Variants in PPP1R16B observed in about 807,000 individuals in gnomAD.
PPP1R16B encodes the protein protein phosphatase 1 regulatory inhibitor subunit 16B.
A neutral mutation model predicts 61.7 loss-of-function variants in PPP1R16B; 14 were observed. That is an observed-to-expected ratio of 0.23 (90% confidence interval 0.15 to 0.35). The LOEUF is 0.35. PPP1R16B is among the 10% of genes least tolerant of loss of function. PPP1R16B has a pLI of 1.00. For missense variants in PPP1R16B, 547 were observed against 752.5 expected, an observed-to-expected ratio of 0.73 and a Z score of 3.19; for synonymous variants, 266 against 305.3, an observed-to-expected ratio of 0.87 and a Z score of 1.34.
In PPP1R16B at chr20:38,820,874, T is replaced by A. The variant is rs374364455; in HGVS notation, c.-101-14951T>A. Among the ~76,000 whole-genome samples, 98 of 150,602 alleles carry A rather than the reference T, an allele frequency of 6.5e-4. 2 individuals carry two copies. The South Asian group carries it at 0.017, about 26-fold the overall frequency. ...AGTGAAACCCTGTCTCTACTAAAAA[T>A]ATATATATATATAAAAATTAGCTAG... is the stretch of plus-strand genomic sequence containing the variant. On this transcript the variant is annotated intron_variant, in intron 1 of 10. Transcript: ENST00000299824.
intron 10 of PPP1R16B, among the ~76,000 whole-genome samples, chr20:38,910,325 T>C (rs78451027): frequency 1.3e-5 from 2 of 152,078 alleles, no homozygotes; most frequent in Admixed American, 1.3e-4. Flanking sequence ...CTTTTACAAA[T>C]GTACACACTC....
chr20:38,810,098 C>T (rs1013359156), intron 1 of PPP1R16B, among the ~76,000 whole-genome samples: 36 of 151,952 alleles, frequency 2.4e-4, no homozygotes, highest in Admixed American at 7.2e-4. Context: ...CTATTATTGC[C>T]AATAACAGGT....
At chr20:38,865,642 A>G (rs1316865899) in intron 2 of PPP1R16B, among the ~76,000 whole-genome samples, 2 of 152,158 alleles carry the variant, frequency 1.3e-5, no homozygotes, top group Non-Finnish European at 2.9e-5. Context: ...CACGTCCTGC[A>G]CAGGTGGGCT....
At chr20:38,809,487 G>A (rs2084684325) in intron 1 of PPP1R16B, among the ~76,000 whole-genome samples, 1 of 152,116 alleles carries the variant, frequency 6.6e-6, no homozygotes, top group African/African-American at 2.4e-5. Flanking sequence ...AGATAATGAG[G>A]ACACTGTGGG....
At chr20:38,906,362 C>T (rs1015451829) in intron 7 of PPP1R16B, among the ~76,000 whole-genome samples, 1 of 130,682 alleles carries the variant, frequency 7.7e-6, no homozygotes, top group Non-Finnish European at 1.6e-5. Context: ...GGTGCAATCT[C>T]ATCTCACTGC....
At chr20:38,852,787 A>T (rs1273793417) in intron 2 of PPP1R16B, among the ~76,000 whole-genome samples, 2 of 62,486 alleles carry the variant, frequency 3.2e-5, no homozygotes, top group Non-Finnish European at 5.9e-5. Context: ...TGGGGGTAGC[A>T]TGGGGGGATA....
At chr20:38,874,971 G>A (rs1444549544) in intron 2 of PPP1R16B, among the ~76,000 whole-genome samples, 1 of 152,162 alleles carries the variant, frequency 6.6e-6, no homozygotes, top group Non-Finnish European at 1.5e-5. Context: ...CTCAGGGCTG[G>A]GCAACAGCAA....
chr20:38,868,136 T>C (rs79607831), intron 2 of PPP1R16B, among the ~76,000 whole-genome samples: 3,019 of 152,320 alleles, frequency 0.02, 115 homozygotes, highest in African/African-American at 0.069. Flanking sequence ...TTCTTGTTAC[T>C]GTGCATCACT....
intron 2 of PPP1R16B, among the ~76,000 whole-genome samples, chr20:38,883,259 G>T (rs925956303): frequency 1.3e-5 from 2 of 152,256 alleles, no homozygotes; most frequent in Non-Finnish European, 2.9e-5. Flanking sequence ...AGGAGGAGCA[G>T]GAGCCACGCC....
At chr20:38,878,982 C>G (rs2145751187) in intron 2 of PPP1R16B, among the ~76,000 whole-genome samples, 1 of 152,224 alleles carries the variant, frequency 6.6e-6, no homozygotes, top group Admixed American at 6.5e-5. Context: ...GGGATAAGAG[C>G]AGATACCTTG....
At chr20:38,861,049 T>G (rs1405813402) in intron 2 of PPP1R16B, among the ~76,000 whole-genome samples, 1 of 152,180 alleles carries the variant, frequency 6.6e-6, no homozygotes, top group African/African-American at 2.4e-5. Flanking sequence ...CAGTCTCTTA[T>G]GCTCCCCTTT....
At position 38,911,357 on chromosome 20, in the gene PPP1R16B, G is replaced by A. The variant is rs896026954; in HGVS notation, c.1194+3164G>A. On this transcript the variant is annotated intron_variant, in intron 10 of 10. Transcript: ENST00000299824. ...AATTTTTTGTATTTTCAGTAGAGAC[G>A]GGGTTTCACCGTGTTAGCCAGGATG... 5.4e-4 allele frequency among the ~76,000 whole-genome samples: 79 copies of A among 146,728 alleles called. 1 individual carries two copies. Among genetic ancestry groups the A allele is most frequent in the African/African-American group, 1.8e-3 (73 of 39,556 alleles).
intron 6 of PPP1R16B, among the ~76,000 whole-genome samples, chr20:38,905,726 C>T (rs6015982): frequency 0.37 from 55,841 of 152,024 alleles, 10,855 homozygotes; most frequent in Middle Eastern, 0.52. Flanking sequence ...TAAATGCTAT[C>T]GCTTTAACCA....
chr20:38,902,570 C>A, intron 5 of PPP1R16B, 98 bp from the exon 6 acceptor site: 2 of 1,520,692 alleles, frequency 1.3e-6, no homozygotes, highest in Non-Finnish European at 1.8e-6. Flanking sequence ...CTGGCATATC[C>A]TAGGGAACAA....
intron 6 of PPP1R16B, among the ~76,000 whole-genome samples, chr20:38,904,333 G>A (rs565408913): frequency 2.0e-5 from 3 of 152,344 alleles, no homozygotes; most frequent in African/African-American, 7.2e-5. Flanking sequence ...ACCCCCATGG[G>A]CTGGGCATAT....
At chr20:38,809,296 T>TC (rs1400467395) in intron 1 of PPP1R16B, among the ~76,000 whole-genome samples, 2 of 152,070 alleles carry the variant, frequency 1.3e-5, no homozygotes, top group Admixed American at 6.6e-5. Context: ...CACCAGCTTT[T>TC]CCCCGGGGAG....
chr20:38,906,341 T>A (rs1209754114), intron 7 of PPP1R16B, among the ~76,000 whole-genome samples: 1 of 140,104 alleles, frequency 7.1e-6, no homozygotes, highest in Non-Finnish European at 1.5e-5. Flanking sequence ...TCACCCAGGC[T>A]GGAGTGCAGT....
intron 1 of PPP1R16B, among the ~76,000 whole-genome samples, chr20:38,809,985 G>GAAAAAAAAA (rs11086731): frequency 1.0e-4 from 8 of 80,126 alleles, no homozygotes; most frequent in Non-Finnish European, 1.4e-4. Context: ...ACCTTGTTTC[G>GAAAAAAAAA]AAAAAAAAAA....
rs2085334018 is a variant in PPP1R16B at position 38,895,860 on chromosome 20, TTCCCTCCCTCC to T, written c.467+151_467+161del. On this transcript the variant is annotated intron_variant, in intron 4 of 10. Coordinates refer to ENST00000299824, the MANE Select transcript of PPP1R16B (RefSeq NM_015568.4). ...TCCTCCCTTCCTCCTTCCTTCTTTC[TTCCCTCCCTCC>T]CTCCTTCCTTCTTTCTTCCCTCCCT... is the stretch of plus-strand genomic sequence containing the variant. The T allele has an allele frequency of 9.2e-6, 6 of 653,282 alleles. 1 individual carries two copies. In the African/African-American group the frequency reaches 1.5e-4, roughly 17 times the overall value. 40.5% of individuals were successfully genotyped at this position (653,282 alleles called of 1,614,324 possible).
Sources: allele counts gnomAD v4.1 joint callset (sites outside exome capture counted in the v4.1 genomes callset), GRCh38; gene constraint gnomAD v4.1.1; transcripts MANE v1.5; gene names NCBI Gene and HGNC (gene_info 2026-07-23, HGNC 2026-07-21).